LAMP1: variants seen among roughly 807,000 people sequenced by gnomAD.
The protein encoded by LAMP1 is lysosome associated membrane protein 1.
In LAMP1, 7 loss-of-function variants were observed where a neutral mutation model predicts 37.5. The ratio of observed to expected loss-of-function variants is 0.19; its 90% CI spans 0.11 to 0.35. LAMP1 has a LOEUF of 0.35. Ranked by LOEUF, LAMP1 falls within the 10% of genes least tolerant of loss-of-function variation. The pLI is 1.00. For synonymous variants in LAMP1, 236 were observed against 229.1 expected (o/e 1.03, Z -0.27); for missense variants, 537 against 552.8 (o/e 0.97, Z 0.29).
chr13:113,317,831 G>T (rs993808660), intron 4 of LAMP1, among the ~76,000 whole-genome samples: 1 of 152,004 alleles, frequency 6.6e-6, no homozygotes, highest in Non-Finnish European at 1.5e-5. Flanking sequence ...GGACTAAGGC[G>T]CATGCCACCA....
chr13:113,307,729 A>T lies in LAMP1; in HGVS notation c.183+1123A>T, dbSNP rs568444521. On this transcript the variant is annotated intron_variant, in intron 2 of 8. Coordinates refer to ENST00000332556, the MANE Select transcript of LAMP1 (RefSeq NM_005561.4). ...AATGGCTTTGTGTTTCTTTGGGATGACTAAAGCCTTTTGGAATAACAAAAT... is the reference window on the plus strand; with the variant it reads ...AATGGCTTTGTGTTTCTTTGGGATGTCTAAAGCCTTTTGGAATAACAAAAT... Among the ~76,000 whole-genome samples, 8 of 151,872 alleles carry T rather than the reference A, an allele frequency of 5.3e-5. No homozygotes were observed. In the South Asian group the frequency reaches 1.7e-3, roughly 32 times the overall value.
intron 4 of LAMP1, among the ~76,000 whole-genome samples, chr13:113,311,403 A>C (rs2042630433): frequency 6.6e-6 from 1 of 152,218 alleles, no homozygotes; most frequent in Non-Finnish European, 1.5e-5. Flanking sequence ...AAACGTATAC[A>C]ATTATTACTT....
At position 113,309,816 on chromosome 13, in the gene LAMP1, T is replaced by C; in HGVS notation, c.357T>C (p.Val119=). 1 of 1,613,840 alleles carries C rather than the reference T, an allele frequency of 6.2e-7. No homozygotes were observed. The highest frequency in any genetic ancestry group is 1.7e-4 in the Middle Eastern group (1 of 5,758). ...TRYSVQLMSF[V]YNLSDTHLFP... ...ACAGCGTCCAGCTCATGAGTTTTGT[T>C]TATAACTTGTCAGACACACACCTTT... Residue 119 remains valine, a synonymous_variant, in exon 3 of 9, where the codon GTT becomes GTC. Transcript: ENST00000332556.
chr13:113,306,684 A>G (rs1340783180), intron 2 of LAMP1, 78 bp downstream of exon 2: 32 of 1,514,374 alleles, frequency 2.1e-5, no homozygotes, highest in Non-Finnish European at 2.9e-5. Flanking sequence ...CAAGTCTTTG[A>G]AAAATGGCCC....
chr13:113,297,574 G>A lies in LAMP1; in HGVS notation c.61+79G>A. On this transcript the variant is annotated intron_variant, in intron 1 of 8. Coordinates refer to ENST00000332556, the MANE Select transcript of LAMP1 (RefSeq NM_005561.4). The surrounding 1 kb of genome is among the most constrained non-coding windows in gnomAD (Gnocchi z 4.4). ...CCCTGGGTCTTGAGGGCGGGGGACT[G>A]CCGGGTCGTTGTCCCGCGGGTCGCC... 8.5e-7 allele frequency: 1 copy of A among 1,181,640 alleles called. No individual in the cohort carries two copies. The highest frequency in any genetic ancestry group is 1.1e-6 in the Non-Finnish European group (1 of 950,674). The allele number at this position is 1,181,640 out of a possible 1,614,324, so 73.2% of individuals were successfully genotyped here.
At chr13:113,315,959 C>T (rs915883987) in intron 4 of LAMP1, among the ~76,000 whole-genome samples, 1 of 152,008 alleles carries the variant, frequency 6.6e-6, no homozygotes, top group Admixed American at 6.5e-5. Flanking sequence ...AAAAATTAGT[C>T]GGGCGTGGTG....
intron 1 of LAMP1, 119 bp from the exon 2 acceptor site, chr13:113,306,366 A>AAAT: frequency 8.2e-7 from 1 of 1,213,210 alleles, no homozygotes; most frequent in Non-Finnish European, 1.1e-6. Flanking sequence ...AAAAAAAAAA[A>AAAT]GAGAAACAGT....
intron 1 of LAMP1, among the ~76,000 whole-genome samples, chr13:113,303,094 G>A (rs571538760): frequency 1.6e-4 from 25 of 152,318 alleles, no homozygotes; most frequent in African/African-American, 5.5e-4. Flanking sequence ...CAAAGCTGGC[G>A]TCAGTGCCGG....
At chr13:113,304,470 C>T (rs1414519616) in intron 1 of LAMP1, among the ~76,000 whole-genome samples, 5 of 152,186 alleles carry the variant, frequency 3.3e-5, no homozygotes, top group Admixed American at 2.6e-4. Flanking sequence ...TTTTTAGAAA[C>T]CTTTACTATG....
intron 4 of LAMP1, among the ~76,000 whole-genome samples, chr13:113,317,416 T>C (rs529525085): frequency 7.9e-5 from 12 of 152,240 alleles, no homozygotes; most frequent in East Asian, 1.9e-4. Context: ...TCCACACTTA[T>C]TTCTCAAGTT....
chr13:113,309,601 C>G, intron 2 of LAMP1, 42 bp from the exon 3 acceptor site: 3 of 1,456,678 alleles, frequency 2.1e-6, no homozygotes, highest in Non-Finnish European at 2.9e-6. Context: ...CTTTTAATAA[C>G]CTGCATCCCA....
Position 113,322,384 on chromosome 13 carries a change from G to T in LAMP1, c.1217G>T (p.Gly406Val). The T allele has an allele frequency of 6.2e-7, 1 of 1,613,772 alleles. No individual in the cohort carries two copies. The change falls in exon 9 of 9, where the codon GGC becomes GTC. Residue 406 changes from glycine to valine, a missense_variant. Gly to Val is a moderately radical substitution (Grantham distance 109). Transcript: ENST00000332556. ...VLIVLIAYLV[G>V]RKRSHAGYQT... is the part of the protein sequence containing the mutation. ...ATCGTCCTCATCGCCTACCTCGTCGGCAGGAAGAGGAGTCACGCAGGCTAC... is the reference window on the plus strand; with the variant it reads ...ATCGTCCTCATCGCCTACCTCGTCGTCAGGAAGAGGAGTCACGCAGGCTAC...
chr13:113,320,080 T>G lies in LAMP1; in HGVS notation c.751-265T>G, dbSNP rs973436849. On this transcript the variant is annotated intron_variant, in intron 5 of 8. Coordinates refer to ENST00000332556, the MANE Select transcript of LAMP1 (RefSeq NM_005561.4). The surrounding 1 kb of genome is among the most constrained non-coding windows in gnomAD (Gnocchi z 4.4). ...TCGACTTGCGTGCCGTGGGGTGAGT[T>G]TGCAGGGCTGACTGCTGCAGGGGGA... Among the ~76,000 whole-genome samples, 5 of 152,198 alleles carry G rather than the reference T, an allele frequency of 3.3e-5. No homozygotes were observed. The highest frequency in any genetic ancestry group is 9.6e-5 in the African/African-American group (4 of 41,452).
At chr13:113,316,472 G>T (rs970097656) in intron 4 of LAMP1, among the ~76,000 whole-genome samples, 15 of 149,918 alleles carry the variant, frequency 1.0e-4, no homozygotes, top group African/African-American at 3.7e-4. Context: ...CCCCAGGCTG[G>T]AGTGCAGTGG....
chr13:113,304,158 C>G (rs1175537512), intron 1 of LAMP1, among the ~76,000 whole-genome samples: 2 of 152,194 alleles, frequency 1.3e-5, no homozygotes, highest in Non-Finnish European at 2.9e-5. Flanking sequence ...GAAATATTTC[C>G]TAATGAAGTG....
intron 3 of LAMP1, 114 bp from the exon 4 acceptor site, chr13:113,310,595 T>TA: frequency 4.3e-6 from 4 of 923,754 alleles, no homozygotes; most frequent in Non-Finnish European, 6.3e-6. Flanking sequence ...TTTTTTTTTT[T>TA]AATCTAGAAA....
rs1305420120 is a variant in LAMP1, at chr13:113,301,641, AAAAATATATATAT to A, written c.61+4148_61+4160del. 9.9e-5 allele frequency among the ~76,000 whole-genome samples: 3 copies of A among 30,442 alleles called. 1 individual carries two copies. The highest frequency in any genetic ancestry group is 4.9e-4 in the African/African-American group (3 of 6,144). The allele number at this position is 30,442 out of a possible 152,430, so 20.0% of individuals were successfully genotyped here. On this transcript the variant is annotated intron_variant, in intron 1 of 8. Coordinates refer to ENST00000332556, the MANE Select transcript of LAMP1 (RefSeq NM_005561.4). ...CTGTTTCCATTTAAAAAAAAAAAAA[AAAAATATATATAT>A]ATATATATATATATATATATATATA...
Position 113,320,336 on chromosome 13 carries a change from C to G in LAMP1, c.751-9C>G. The G allele has an allele frequency of 1.2e-6, 2 of 1,614,044 alleles. No individual in the cohort carries two copies. The highest frequency in any genetic ancestry group is 1.7e-6 in the Non-Finnish European group (2 of 1,180,016). On this transcript the variant is annotated splice_polypyrimidine_tract_variant and intron_variant, in intron 5 of 8. Coordinates refer to ENST00000332556, the MANE Select transcript of LAMP1 (RefSeq NM_005561.4). This position sits in a 1 kb window ranked among gnomAD's most constrained non-coding sequence, Gnocchi z 4.4. Reference sequence around the variant, plus strand: ...CTAGGGTGGTGACTTGCTTGCTTGTCTTATGCAGACGGTGACAAGGCTTCT... The same window carrying G: ...CTAGGGTGGTGACTTGCTTGCTTGTGTTATGCAGACGGTGACAAGGCTTCT...
chr13:113,313,101 G>T (rs936970504), intron 4 of LAMP1, among the ~76,000 whole-genome samples: 3 of 152,134 alleles, frequency 2.0e-5, no homozygotes, highest in African/African-American at 7.2e-5. Flanking sequence ...GTTGCAGAAC[G>T]TGTCTCCTCC....
Sources: gnomAD v4.1 joint callset for allele counts (sites outside exome capture counted in the v4.1 genomes callset) on GRCh38, gnomAD v4.1.1 for gene constraint, Gnocchi (gnomAD v3.1) non-coding constraint, MANE v1.5 for transcripts, NCBI Gene and HGNC (gene_info 2026-07-23, HGNC 2026-07-21) for gene names.